The following ARHGAP6 variants were observed in gnomAD, a reference collection of about 807,000 sequenced individuals.
ARHGAP6 encodes the protein rho GTPase-activating protein 6.
Under a neutral mutation model 55.7 loss-of-function variants are expected in ARHGAP6, and 16 were observed. That is an observed-to-expected ratio of 0.29 (90% CI 0.19 to 0.44). The LOEUF (loss-of-function observed/expected upper bound fraction) is 0.44, where lower values mean the gene tolerates loss of function less well. Among genes scored for constraint, ARHGAP6 ranks in the 20% least tolerant of loss-of-function variants. The pLI is 1.00. For synonymous variants in ARHGAP6, 382 were observed against 360.9 expected (o/e 1.06, Z -0.66); for missense variants, 698 against 808.9 (o/e 0.86, Z 1.66).
At chrX:11,290,490 CA>C (rs746332445) in intron 1 of ARHGAP6, 29,012 of 158,079 alleles carry the variant, frequency 0.18, 587 homozygotes, top group Middle Eastern at 0.24. Context: ...TCTACCCCAG[CA>C]AAAAAAAAAA....
At chrX:11,330,828 C>T in intron 1 of ARHGAP6, among the ~76,000 whole-genome samples, 1 of 112,182 alleles carries the variant, frequency 8.9e-6, no homozygotes, top group Non-Finnish European at 1.9e-5. Flanking sequence ...CAGCACCCAA[C>T]TGGAAAGCTG....
chrX:11,611,323 C>T (rs1315835524), intron 1 of ARHGAP6, among the ~76,000 whole-genome samples: 1 of 111,860 alleles, frequency 8.9e-6, no homozygotes, highest in Non-Finnish European at 1.9e-5. Flanking sequence ...GAATAGAAGA[C>T]CTTGTAGGGA....
At chrX:11,352,999 T>C (rs1238505728) in intron 1 of ARHGAP6, among the ~76,000 whole-genome samples, 1 of 111,865 alleles carries the variant, frequency 8.9e-6, no homozygotes, top group Non-Finnish European at 1.9e-5. Context: ...TCAAATTATA[T>C]GATTCAGTTC....
intron 9 of ARHGAP6, among the ~76,000 whole-genome samples, chrX:11,164,842 T>C (rs1377117939): frequency 1.8e-5 from 2 of 112,750 alleles, no homozygotes; most frequent in African/African-American, 6.4e-5. Context: ...TGCTCTGAAG[T>C]TCTTACTAAT....
At chrX:11,340,947 C>T (rs5935011) in intron 1 of ARHGAP6, among the ~76,000 whole-genome samples, 6,051 of 107,720 alleles carry the variant, frequency 0.056, 209 homozygotes, top group African/African-American at 0.12. Flanking sequence ...CATGAATGGA[C>T]AGAGTGGAGA....
In ARHGAP6 at chrX:11,138,999, TTGGCGC is replaced by T; in HGVS notation, c.2783_2788del (p.Ser928_Ala929del). 1.7e-6 allele frequency: 2 copies of T among 1,207,081 alleles called. No homozygotes were observed. Among genetic ancestry groups the T allele is most frequent in the Non-Finnish European group, 2.2e-6 (2 of 894,068 alleles). On this transcript the variant is annotated inframe_deletion, in exon 13 of 13. Coordinates refer to ENST00000337414, the MANE Select transcript of ARHGAP6 (RefSeq NM_013427.3). Reference sequence around the variant, plus strand: ...GTCCTGCTCGCCCGCTGGCAGGGAGTTGGCGCTGCTCAGTTTTTTCTGCGTGACCTG... The same window carrying T: ...GTCCTGCTCGCCCGCTGGCAGGGAGTTGCTCAGTTTTTTCTGCGTGACCTG...
chrX:11,428,001 G>A (rs2049906485), intron 1 of ARHGAP6, among the ~76,000 whole-genome samples: 1 of 112,525 alleles, frequency 8.9e-6, no homozygotes, highest in Non-Finnish European at 1.9e-5. Flanking sequence ...CAGGCTGGCC[G>A]GCACGCCTGC....
intron 1 of ARHGAP6, among the ~76,000 whole-genome samples, chrX:11,569,579 G>C (rs2051487870): frequency 9.0e-6 from 1 of 111,700 alleles, no homozygotes; most frequent in African/African-American, 3.3e-5. Context: ...AACATTATTG[G>C]ACCACTGCGC....
chrX:11,255,158 G>A (rs181551490), intron 1 of ARHGAP6, among the ~76,000 whole-genome samples: 35 of 111,599 alleles, frequency 3.1e-4, no homozygotes, highest in African/African-American at 1.6e-4. Context: ...AATAAAAATC[G>A]TACATATTCA....
At chrX:11,408,649 G>A (rs549917460) in intron 1 of ARHGAP6, among the ~76,000 whole-genome samples, 1 of 110,317 alleles carries the variant, frequency 9.1e-6, no homozygotes, top group Middle Eastern at 4.6e-3. Flanking sequence ...GGACGCTGCT[G>A]CCCAAATTGA....
chrX:11,280,322 T>C (rs2047838601), intron 1 of ARHGAP6, among the ~76,000 whole-genome samples: 1 of 111,535 alleles, frequency 9.0e-6, no homozygotes, highest in South Asian at 3.8e-4. Flanking sequence ...ATTTGGTGTA[T>C]ATTATCATAG....
At chrX:11,427,436 C>A in intron 1 of ARHGAP6, 2 of 858,231 alleles carry the variant, frequency 2.3e-6, no homozygotes, top group Non-Finnish European at 2.9e-6. Context: ...CACCCGCCAC[C>A]CCCTCAGCCG....
At chrX:11,514,834 C>T (rs980167243) in intron 1 of ARHGAP6, among the ~76,000 whole-genome samples, 1 of 92,142 alleles carries the variant, frequency 1.1e-5, no homozygotes, top group African/African-American at 4.6e-5. Flanking sequence ...TTTGTCTATG[C>T]ATTGCACACA....
At chrX:11,399,360 A>G (rs1337177046) in intron 1 of ARHGAP6, among the ~76,000 whole-genome samples, 2 of 108,336 alleles carry the variant, frequency 1.8e-5, no homozygotes, top group Non-Finnish European at 3.8e-5. Context: ...CAATCAAAAA[A>G]AAAAAAAAAA....
In ARHGAP6 at chrX:11,277,311, G is replaced by C. The variant is rs191803815; in HGVS notation, c.589-22604C>G. Among the ~76,000 whole-genome samples the C allele has an allele frequency of 2.7e-4, 30 of 111,111 alleles. No homozygotes were observed. The Admixed American group carries it at 2.9e-3, about 11-fold the overall frequency. ...GGCATTTGGGTTCTTTCCACATTTT[G>C]ACTGGTATGAATAAAGCTGCTGTGA... On this transcript the variant is annotated intron_variant, in intron 1 of 12. Transcript: ENST00000337414.
chrX:11,160,001 T>C (rs1274921858), intron 9 of ARHGAP6, among the ~76,000 whole-genome samples: 1 of 111,538 alleles, frequency 9.0e-6, no homozygotes, highest in African/African-American at 3.3e-5. Flanking sequence ...GAACTCATAT[T>C]TTTTTAATGA....
At chrX:11,564,300 C>T (rs1202860835) in intron 1 of ARHGAP6, among the ~76,000 whole-genome samples, 1 of 110,756 alleles carries the variant, frequency 9.0e-6, no homozygotes, top group South Asian at 3.8e-4. Context: ...TTTTTTAAAA[C>T]CTTCAGAACA....
intron 2 of ARHGAP6, among the ~76,000 whole-genome samples, chrX:11,202,439 C>T (rs1384719832): frequency 2.7e-5 from 3 of 110,837 alleles, no homozygotes; most frequent in Non-Finnish European, 5.7e-5. Flanking sequence ...CATCTACAGT[C>T]CCTGTCAGAG....
chrX:11,526,135 G>T (rs2050986889), intron 1 of ARHGAP6, among the ~76,000 whole-genome samples: 1 of 111,951 alleles, frequency 8.9e-6, no homozygotes, highest in Admixed American at 9.6e-5. Context: ...GGGAAAGGAT[G>T]AAAGTGAGAC....
Sources: gnomAD v4.1 joint callset for allele counts (sites outside exome capture counted in the v4.1 genomes callset) on GRCh38, gnomAD v4.1.1 for gene constraint, MANE v1.5 for transcripts, NCBI Gene and HGNC (gene_info 2026-07-23, HGNC 2026-07-21) for gene names.